SLC22A23: variants seen among roughly 807,000 people sequenced by gnomAD.
SLC22A23 encodes the protein ion transporter protein.
Under a neutral mutation model 61.0 loss-of-function variants are expected in SLC22A23, and 26 were observed. That is an observed-to-expected ratio of 0.43 (90% CI 0.31 to 0.59). The LOEUF (loss-of-function observed/expected upper bound fraction) is 0.59, where lower values mean the gene tolerates loss of function less well. Among genes scored for constraint, SLC22A23 ranks in the 20% least tolerant of loss-of-function variants. The pLI, the probability that SLC22A23 is intolerant of heterozygous loss-of-function variation, is 0.11. For synonymous variants in SLC22A23, 430 were observed against 413.9 expected, an observed-to-expected ratio of 1.04 and a Z score of -0.47; for missense variants, 796 against 934.7, an observed-to-expected ratio of 0.85 and a Z score of 1.94.
intron 3 of SLC22A23, among the ~76,000 whole-genome samples, chr6:3,396,185 G>A (rs1767991490): frequency 1.3e-5 from 2 of 152,148 alleles, no homozygotes; most frequent in South Asian, 4.1e-4. Flanking sequence ...CATGGTCCCT[G>A]GCTAGGGCTC....
intron 1 of SLC22A23, among the ~76,000 whole-genome samples, chr6:3,421,890 C>G (rs1401673784): frequency 6.6e-6 from 1 of 152,228 alleles, no homozygotes; most frequent in African/African-American, 2.4e-5. Flanking sequence ...GAACAAACCA[C>G]GTCTTCACAG....
chr6:3,445,640 C>T (rs546698268), intron 1 of SLC22A23, among the ~76,000 whole-genome samples: 2 of 152,104 alleles, frequency 1.3e-5, no homozygotes, highest in African/African-American at 4.8e-5. Flanking sequence ...GATAAGGGGA[C>T]AGCTGGTTGC....
At chr6:3,436,192 T>C (rs1771199280) in intron 1 of SLC22A23, among the ~76,000 whole-genome samples, 1 of 151,342 alleles carries the variant, frequency 6.6e-6, no homozygotes, top group South Asian at 2.1e-4. Context: ...CAATCTGGAG[T>C]GCAATGGTGT....
intron 1 of SLC22A23, among the ~76,000 whole-genome samples, chr6:3,438,891 C>G (rs1771399017): frequency 6.6e-6 from 1 of 152,236 alleles, no homozygotes; most frequent in Admixed American, 6.5e-5. Flanking sequence ...TGTGGGAATT[C>G]CCAGCAGGAT....
rs150119336 is a variant in SLC22A23 at position 3,415,036 on chromosome 6, T to C, written c.758+716A>G. On this transcript the variant is annotated intron_variant, in intron 2 of 9. Coordinates refer to ENST00000406686, the MANE Select transcript of SLC22A23 (RefSeq NM_015482.2). ...TTACACTTCTCTGCTTTTTCAACTGTAAAACACAGGTAATAATAGCATCTC... is the reference window on the plus strand; with the variant it reads ...TTACACTTCTCTGCTTTTTCAACTGCAAAACACAGGTAATAATAGCATCTC... 8.1e-4 allele frequency among the ~76,000 whole-genome samples: 123 copies of C among 152,342 alleles called. 1 individual carries two copies. The highest frequency in any genetic ancestry group is 2.8e-3 in the African/African-American group (115 of 41,564).
intron 3 of SLC22A23, among the ~76,000 whole-genome samples, chr6:3,361,238 G>A (rs1765426306): frequency 6.6e-6 from 1 of 151,340 alleles, no homozygotes; most frequent in Non-Finnish European, 1.5e-5. Flanking sequence ...TCAATAAGAG[G>A]GACACAGGGA....
In SLC22A23 at chr6:3,328,148, T is replaced by C. The variant is rs1247365760; in HGVS notation, c.914-4146A>G. Among the ~76,000 whole-genome samples the C allele has an allele frequency of 6.6e-6, 1 of 151,364 alleles. No homozygotes were observed. Among genetic ancestry groups the C allele is most frequent in the Non-Finnish European group, 1.5e-5 (1 of 67,948 alleles). On this transcript the variant is annotated intron_variant, in intron 3 of 9. Coordinates refer to ENST00000406686, the MANE Select transcript of SLC22A23 (RefSeq NM_015482.2). The surrounding 1 kb of genome is among the most constrained non-coding windows in gnomAD (Gnocchi z 5.0). The stretch of plus-strand genomic sequence containing the variant: ...ACCTTAATGAAGAATGCTTACAAGC[T>C]ACTCTTGGCAACTAGATATACTTTG...
At chr6:3,385,669 T>C (rs1420385143) in intron 3 of SLC22A23, among the ~76,000 whole-genome samples, 1 of 152,236 alleles carries the variant, frequency 6.6e-6, no homozygotes, top group Non-Finnish European at 1.5e-5. Context: ...TTGGAGCTAA[T>C]TGTCTGAGTT....
intron 3 of SLC22A23, among the ~76,000 whole-genome samples, chr6:3,403,415 C>T (rs1476055146): frequency 3.3e-5 from 5 of 150,894 alleles, no homozygotes; most frequent in Admixed American, 1.3e-4. Context: ...GTAAGAGAGG[C>T]GAATGGAGCA....
At chr6:3,437,191 G>A (rs530299973) in intron 1 of SLC22A23, among the ~76,000 whole-genome samples, 53 of 151,220 alleles carry the variant, frequency 3.5e-4, no homozygotes, top group Admixed American at 1.3e-3. Context: ...AACGAGAAAT[G>A]AATTAAACAG....
In SLC22A23 at chr6:3,387,324, C is replaced by G. The variant is rs1326540654; in HGVS notation, c.913+22864G>C. ...CCATGAGCAGGGTGGTGCTCTTCCC[C>G]CTAGTCTGATCAAGAGAAAGTATCA... On this transcript the variant is annotated intron_variant, in intron 3 of 9. Coordinates refer to ENST00000406686, the MANE Select transcript of SLC22A23 (RefSeq NM_015482.2). This position sits in a 1 kb window ranked among gnomAD's most constrained non-coding sequence, Gnocchi z 5.0. Among the ~76,000 whole-genome samples the G allele has an allele frequency of 1.3e-5, 2 of 152,190 alleles. No homozygotes were observed. The highest frequency in any genetic ancestry group is 1.5e-5 in the Non-Finnish European group (1 of 68,040).
At chr6:3,368,650 T>A (rs1425008636) in intron 3 of SLC22A23, among the ~76,000 whole-genome samples, 1 of 152,120 alleles carries the variant, frequency 6.6e-6, no homozygotes, top group Non-Finnish European at 1.5e-5. Flanking sequence ...AAACAAATCC[T>A]CCAATGCAAT....
Position 3,289,786 on chromosome 6 carries a change from T to C in SLC22A23, c.1291A>G (p.Ile431Val). ...CACGAGTTCACACACAGGACCACAA[T>C]GTTCTTCCACAGGTTCCGTGTCCCC... is the stretch of plus-strand genomic sequence containing the variant. ...VVGTRNLWKN[I>V]VVLCVNSLTG... Residue 431 changes from isoleucine to valine, a missense_variant, in exon 6 of 10, where the codon ATT (isoleucine) becomes GTT (valine). Physicochemically the swap from Ile to Val is conservative, Grantham distance 29 (BLOSUM62 3). Coordinates refer to ENST00000406686, the MANE Select transcript of SLC22A23 (RefSeq NM_015482.2). The C allele has an allele frequency of 2.5e-6, 4 of 1,613,312 alleles. No homozygotes were observed. The highest frequency in any genetic ancestry group is 1.1e-5 in the South Asian group (1 of 91,070).
intron 3 of SLC22A23, among the ~76,000 whole-genome samples, chr6:3,341,459 TTC>T (rs149033619): frequency 2.0e-5 from 3 of 151,316 alleles, no homozygotes; most frequent in African/African-American, 2.4e-5. Flanking sequence ...ATGGGTTTTG[TTC>T]TCTCTCTCTC....
intron 1 of SLC22A23, 30 bp downstream of exon 1, chr6:3,455,876 T>C (rs1369229787): frequency 6.8e-6 from 10 of 1,472,644 alleles, no homozygotes; most frequent in Non-Finnish European, 9.0e-6. Flanking sequence ...AGGGAGAGGG[T>C]TGGAGGGACT....
At chr6:3,380,817 T>C (rs1766907767) in intron 3 of SLC22A23, among the ~76,000 whole-genome samples, 1 of 152,102 alleles carries the variant, frequency 6.6e-6, no homozygotes, top group African/African-American at 2.4e-5. Flanking sequence ...GGTGGGTCTC[T>C]GCTTGTCATT....
rs184441347 is a variant in SLC22A23 at position 3,437,719 on chromosome 6, T to A, written c.654+18187A>T. On this transcript the variant is annotated intron_variant, in intron 1 of 9. Coordinates refer to ENST00000406686, the MANE Select transcript of SLC22A23 (RefSeq NM_015482.2). ...ATAAATAAATAAATAATAATAATTT[T>A]AAAAACCCACTCTGGAACTTACTAG... 2.1e-3 allele frequency among the ~76,000 whole-genome samples: 317 copies of A among 149,302 alleles called. 5 individuals are homozygous for A. Among genetic ancestry groups the A allele is most frequent in the Admixed American group, 0.019 (278 of 14,984 alleles).
chr6:3,435,019 G>T (rs775293116), intron 1 of SLC22A23, among the ~76,000 whole-genome samples: 3 of 152,138 alleles, frequency 2.0e-5, no homozygotes, highest in Non-Finnish European at 2.9e-5. Flanking sequence ...CTGCTCCATA[G>T]AAACCTGGGC....
At chr6:3,294,483 C>T (rs1279777981) in intron 5 of SLC22A23, among the ~76,000 whole-genome samples, 2 of 152,184 alleles carry the variant, frequency 1.3e-5, no homozygotes, top group Non-Finnish European at 2.9e-5. Flanking sequence ...CCAAAACATC[C>T]AATCCCCAAA....
Sources: gnomAD v4.1 joint callset for allele counts (sites outside exome capture counted in the v4.1 genomes callset) on GRCh38, gnomAD v4.1.1 for gene constraint, Gnocchi (gnomAD v3.1) non-coding constraint, MANE v1.5 for transcripts, NCBI Gene and HGNC (gene_info 2026-07-23, HGNC 2026-07-21) for gene names.